KCNH5: variants seen among roughly 807,000 people sequenced by gnomAD.
KCNH5 encodes the protein potassium voltage-gated channel subfamily H member 5, also known as voltage-gated delayed rectifier potassium channel KCNH5.
Under a neutral mutation model 96.1 loss-of-function variants are expected in KCNH5, and 46 were observed. The ratio of observed to expected loss-of-function variants is 0.48; its 90% CI spans 0.38 to 0.61. The LOEUF (loss-of-function observed/expected upper bound fraction) is 0.61. KCNH5 is among the 20% of genes least tolerant of loss of function. The probability of loss-of-function intolerance (pLI) is 0.00; values close to 1 mark genes in which losing one functional copy is unlikely to be tolerated. For missense variants in KCNH5, 907 were observed against 1,225.8 expected (o/e 0.74, Z 3.88); for synonymous variants, 439 against 449.8 (o/e 0.98, Z 0.30).
chr14:62,766,155 T>A (rs914121917), intron 10 of KCNH5, among the ~76,000 whole-genome samples: 3 of 152,182 alleles, frequency 2.0e-5, no homozygotes, highest in Admixed American at 1.3e-4. Flanking sequence ...AAATGGCTTA[T>A]ATCCAAAAGA....
chr14:62,901,057 C>T (rs1185947922), intron 7 of KCNH5, among the ~76,000 whole-genome samples: 8 of 151,990 alleles, frequency 5.3e-5, no homozygotes, highest in African/African-American at 1.9e-4. Flanking sequence ...GGCATGATCT[C>T]GGCTCAATAC....
chr14:63,000,600 T>C (rs1890992100), intron 4 of KCNH5, among the ~76,000 whole-genome samples: 1 of 152,142 alleles, frequency 6.6e-6, no homozygotes, highest in African/African-American at 2.4e-5. Flanking sequence ...ACAGAATAAA[T>C]AAAAACTGAA....
At chr14:62,830,654 C>G (rs1177941896) in intron 8 of KCNH5, among the ~76,000 whole-genome samples, 1 of 152,090 alleles carries the variant, frequency 6.6e-6, no homozygotes. Context: ...AGGATCCAGT[C>G]ACCTCCCAGC....
intron 6 of KCNH5, among the ~76,000 whole-genome samples, chr14:62,968,304 TG>T (rs1394023313): frequency 6.6e-6 from 1 of 152,222 alleles, no homozygotes; most frequent in Non-Finnish European, 1.5e-5. Flanking sequence ...AAATAGTTTG[TG>T]AGAAAGTCTT....
At chr14:62,957,300 T>C (rs370004342) in intron 6 of KCNH5, among the ~76,000 whole-genome samples, 26 of 152,348 alleles carry the variant, frequency 1.7e-4, no homozygotes, top group African/African-American at 6.0e-4. Context: ...TGACCGTCGC[T>C]AATAATAGCA....
At chr14:62,775,923 A>T (rs1002938103) in intron 10 of KCNH5, among the ~76,000 whole-genome samples, 5 of 152,126 alleles carry the variant, frequency 3.3e-5, no homozygotes, top group Admixed American at 6.5e-5. Flanking sequence ...CTTATCCCCA[A>T]TGTGATGGTA....
At chr14:62,935,248 T>C (rs528639827) in intron 7 of KCNH5, among the ~76,000 whole-genome samples, 1 of 152,340 alleles carries the variant, frequency 6.6e-6, no homozygotes, top group South Asian at 2.1e-4. Flanking sequence ...TTTACAAATA[T>C]GGAGATCAAA....
At chr14:62,756,027 C>G (rs928188530) in intron 10 of KCNH5, among the ~76,000 whole-genome samples, 1 of 151,770 alleles carries the variant, frequency 6.6e-6, no homozygotes, top group African/African-American at 2.4e-5. Context: ...AAACTGAAAG[C>G]CTTTCCTCTA....
chr14:63,044,229 G>GA (rs1891879587), intron 1 of KCNH5, among the ~76,000 whole-genome samples: 4 of 152,082 alleles, frequency 2.6e-5, no homozygotes. Context: ...AAAACAAGTA[G>GA]AAAACGCAGA....
intron 7 of KCNH5, among the ~76,000 whole-genome samples, chr14:62,884,117 T>A (rs965511083): frequency 3.3e-5 from 5 of 152,188 alleles, no homozygotes; most frequent in African/African-American, 1.2e-4. Flanking sequence ...AAGCTCTGTG[T>A]TAGAATTTAA....
At chr14:62,814,467 G>GT (rs1886933373) in intron 8 of KCNH5, among the ~76,000 whole-genome samples, 3 of 151,946 alleles carry the variant, frequency 2.0e-5, no homozygotes, top group Admixed American at 2.0e-4. Flanking sequence ...ACTTTTAAGT[G>GT]TATTTACTGC....
At chr14:62,978,988 T>C (rs1890555366) in intron 6 of KCNH5, among the ~76,000 whole-genome samples, 1 of 152,218 alleles carries the variant, frequency 6.6e-6, no homozygotes, top group South Asian at 2.1e-4. Flanking sequence ...CACCATATTG[T>C]ATAATAGATT....
At chr14:62,977,125 C>T (rs111338696) in intron 6 of KCNH5, among the ~76,000 whole-genome samples, 28,027 of 152,058 alleles carry the variant, frequency 0.18, 3,000 homozygotes, top group Non-Finnish European at 0.25. Flanking sequence ...AATCCCAACA[C>T]TTTGGGAGGC....
At chr14:62,959,024 T>A (rs979811993) in intron 6 of KCNH5, among the ~76,000 whole-genome samples, 7 of 152,080 alleles carry the variant, frequency 4.6e-5, no homozygotes, top group Admixed American at 4.6e-4. Context: ...AAATCAGCTA[T>A]GTGACTAAGC....
In KCNH5 at chr14:62,964,788, T is replaced by C. The variant is rs532164572; in HGVS notation, c.943-14229A>G. Reference sequence around the variant, plus strand: ...TAGTGCCTCTATTTCCTAATGTCTGTAGGAGGGTAGATGTCAAACTTTGAT... The same window carrying C: ...TAGTGCCTCTATTTCCTAATGTCTGCAGGAGGGTAGATGTCAAACTTTGAT... On this transcript the variant is annotated intron_variant, in intron 6 of 10. Transcript: ENST00000322893. Among the ~76,000 whole-genome samples the C allele has an allele frequency of 3.9e-5, 6 of 152,176 alleles. No homozygotes were observed. In the South Asian group the frequency reaches 1.2e-3, roughly 32 times the overall value.
At position 62,932,243 on chromosome 14, in the gene KCNH5, A is replaced by G. The variant is rs75164976; in HGVS notation, c.1369+17890T>C. On this transcript the variant is annotated intron_variant, in intron 7 of 10. Transcript: ENST00000322893. ...AAACAGACTATGTGGGGATAAGAAA[A>G]CTACACATAAACTTTCTTATACCCT... Among the ~76,000 whole-genome samples the G allele has an allele frequency of 8.6e-3, 1,307 of 152,214 alleles. 34 individuals carry two copies. The East Asian group carries it at 0.092, about 11-fold the overall frequency.
intron 6 of KCNH5, among the ~76,000 whole-genome samples, chr14:62,970,570 G>A (rs1323495378): frequency 1.3e-5 from 2 of 152,092 alleles, no homozygotes; most frequent in African/African-American, 4.8e-5. Flanking sequence ...GAACATAGAT[G>A]TAAAAATTCT....
intron 8 of KCNH5, among the ~76,000 whole-genome samples, chr14:62,834,174 C>A (rs1170100728): frequency 6.6e-6 from 1 of 151,952 alleles, no homozygotes; most frequent in Admixed American, 6.6e-5. Context: ...TCCTTTCTGG[C>A]CTTTTCTCAT....
At chr14:62,981,946 T>C (rs990078458) in intron 5 of KCNH5, among the ~76,000 whole-genome samples, 1 of 152,158 alleles carries the variant, frequency 6.6e-6, no homozygotes, top group African/African-American at 2.4e-5. Context: ...AACCTTGAGT[T>C]ACACTAATTA....
Sources: gnomAD v4.1 joint callset for allele counts (sites outside exome capture counted in the v4.1 genomes callset) on GRCh38, gnomAD v4.1.1 for gene constraint, MANE v1.5 for transcripts, NCBI Gene and HGNC (gene_info 2026-07-23, HGNC 2026-07-21) for gene names.